The following EYA1 variants were observed in gnomAD, a reference collection of about 807,000 sequenced individuals.
EYA1 encodes the protein protein phosphatase EYA1.
EYA1 carries 16 observed loss-of-function variants against 82.0 expected under a neutral mutation model. The ratio of observed to expected loss-of-function variants is 0.20; its 90% CI spans 0.13 to 0.30. EYA1 has a LOEUF of 0.30. EYA1 is among the 10% of genes least tolerant of loss of function. EYA1 has a pLI of 1.00. For missense variants in EYA1, 633 were observed against 730.7 expected, an observed-to-expected ratio of 0.87 and a Z score of 1.54; for synonymous variants, 261 against 264.4, an observed-to-expected ratio of 0.99 and a Z score of 0.12.
intron 7 of EYA1, among the ~76,000 whole-genome samples, chr8:71,301,697 A>C (rs1029684130): frequency 1.3e-5 from 2 of 152,150 alleles, no homozygotes; most frequent in African/African-American, 4.8e-5. Flanking sequence ...CAGAACACCT[A>C]TCTCAGATAG....
At chr8:71,539,016 G>C (rs1183361008) in intron 1 of EYA1, among the ~76,000 whole-genome samples, 1 of 152,036 alleles carries the variant, frequency 6.6e-6, no homozygotes, top group East Asian at 1.9e-4. Flanking sequence ...CTCCAGAGGA[G>C]GGGTGCCCCT....
At chr8:71,301,162 T>C (rs1368975131) in intron 7 of EYA1, among the ~76,000 whole-genome samples, 1 of 152,198 alleles carries the variant, frequency 6.6e-6, no homozygotes, top group Admixed American at 6.5e-5. Context: ...AATGTGGTAA[T>C]ATATGCCAAT....
At position 71,523,173 on chromosome 8, in the gene EYA1, C is replaced by CTTTTTTTTTTTTTT. The variant is rs201950125; in HGVS notation, c.33+12570_33+12571insAAAAAAAAAAAAAA. Among the ~76,000 whole-genome samples the CTTTTTTTTTTTTTT allele has an allele frequency of 6.9e-4, 76 of 110,838 alleles. 6 individuals carry two copies. Among genetic ancestry groups the CTTTTTTTTTTTTTT allele is most frequent in the African/African-American group, 1.5e-3 (40 of 26,900 alleles). 72.7% of individuals were successfully genotyped at this position (110,838 alleles called of 152,430 possible). ...TTCAGCTCTTTTTCTTTTCTTTTTT[C>CTTTTTTTTTTTTTT]TTTTTCTTTTTTTTTTTTTTTTTGA... On this transcript the variant is annotated intron_variant, in intron 2 of 18. Transcript: ENST00000643681.
Position 71,396,776 on chromosome 8 carries a change from T to G in EYA1, c.34-40265A>C, listed in dbSNP as rs556820665. Among the ~76,000 whole-genome samples, 8 of 152,346 alleles carry G rather than the reference T, an allele frequency of 5.3e-5. No homozygotes were observed. The South Asian group carries it at 1.7e-3, about 32-fold the overall frequency. On this transcript the variant is annotated intron_variant, in intron 2 of 18. Transcript: ENST00000643681. ...GAATGTATATTCTGTTGACTTGGGG[T>G]GCAGAGTTCTGTAGATGTCTGCTAG... is the stretch of plus-strand genomic sequence containing the variant.
At chr8:71,344,380 A>T (rs1342276490) in intron 3 of EYA1, among the ~76,000 whole-genome samples, 1 of 152,200 alleles carries the variant, frequency 6.6e-6, no homozygotes, top group Non-Finnish European at 1.5e-5. Flanking sequence ...ATGGAAGAGT[A>T]ATAATTTTAA....
rs567560078 is a variant in EYA1 at position 71,398,963 on chromosome 8, G to A, written c.34-42452C>T. ...TCCACCCAGTTCGAGCTTCCTGGCC[G>A]CTTTGTTTACCTACTCAAGCCACAG... is the stretch of plus-strand genomic sequence containing the variant. On this transcript the variant is annotated intron_variant, in intron 2 of 18. Coordinates refer to the EYA1 transcript ENST00000643681. 4.4e-4 allele frequency among the ~76,000 whole-genome samples: 67 copies of A among 152,296 alleles called. 1 individual carries two copies. Among genetic ancestry groups the A allele is most frequent in the African/African-American group, 1.4e-3 (57 of 41,528 alleles).
At chr8:71,394,518 A>C (rs1420677583) in intron 2 of EYA1, among the ~76,000 whole-genome samples, 1 of 152,160 alleles carries the variant, frequency 6.6e-6, no homozygotes, top group Non-Finnish European at 1.5e-5. Flanking sequence ...AGGGCTAGCC[A>C]GTTTTCCCAG....
chr8:71,535,873 G>A, intron 1 of EYA1: 1 of 663,366 alleles, frequency 1.5e-6, no homozygotes, highest in Non-Finnish European at 2.3e-6. Flanking sequence ...GCATCACACA[G>A]CTGTATTAAT....
intron 3 of EYA1, among the ~76,000 whole-genome samples, chr8:71,340,134 G>A (rs147983679): frequency 1.4e-4 from 22 of 152,256 alleles, no homozygotes; most frequent in South Asian, 8.3e-4. Flanking sequence ...TTAGATGTGC[G>A]TGAGTCGCTC....
intron 2 of EYA1, among the ~76,000 whole-genome samples, chr8:71,439,637 C>T (rs930677555): frequency 1.1e-4 from 17 of 152,176 alleles, no homozygotes; most frequent in African/African-American, 4.8e-5. Context: ...CTGGTGTTAG[C>T]GGCATGGAAA....
At position 71,334,095 on chromosome 8, in the gene EYA1, A is replaced by ACCT; in HGVS notation, c.201_202+1dup. The ACCT allele has an allele frequency of 6.2e-7, 1 of 1,609,020 alleles. No individual in the cohort carries two copies. The highest frequency in any genetic ancestry group is 8.5e-7 in the Non-Finnish European group (1 of 1,175,542). ...TGTGAAAATCTAATATTTATTCCTT[A>ACCT]CCTGAACCTGAGAAATTGTTTAAAG... On this transcript the variant is annotated splice_donor_variant, in intron 4 of 17. Transcript: ENST00000340726. LOFTEE classifies it high-confidence loss of function.
chr8:71,254,847 C>T (rs867258087), intron 11 of EYA1, among the ~76,000 whole-genome samples: 424 of 151,224 alleles, frequency 2.8e-3, no homozygotes, highest in African/African-American at 9.7e-3. Context: ...CCACCCCGCC[C>T]CCCACCACAC....
chr8:71,356,622 G>A (rs1826909069), intron 1 of EYA1, 111 bp from the exon 2 acceptor site: 2 of 1,408,958 alleles, frequency 1.4e-6, no homozygotes, highest in Non-Finnish European at 9.3e-7. Context: ...TTAACCAAAA[G>A]AGAAAAAGGA....
chr8:71,270,495 T>C (rs1184513770), intron 10 of EYA1, among the ~76,000 whole-genome samples: 1 of 152,196 alleles, frequency 6.6e-6, no homozygotes, highest in African/African-American at 2.4e-5. Flanking sequence ...AAAAGGTCTT[T>C]GGGATACCAC....
At chr8:71,263,809 G>T (rs1421630711) in intron 11 of EYA1, among the ~76,000 whole-genome samples, 1 of 152,020 alleles carries the variant, frequency 6.6e-6, no homozygotes. Flanking sequence ...ATTCTTAAAG[G>T]CCTGACAGAA....
At chr8:71,490,502 T>C (rs1810912999) in intron 2 of EYA1, among the ~76,000 whole-genome samples, 2 of 152,282 alleles carry the variant, frequency 1.3e-5, no homozygotes, top group East Asian at 1.9e-4. Context: ...TTGTTGTTTA[T>C]AGACAGATAT....
At chr8:71,401,046 A>G (rs1023066461) in intron 2 of EYA1, among the ~76,000 whole-genome samples, 4 of 152,212 alleles carry the variant, frequency 2.6e-5, no homozygotes, top group African/African-American at 9.6e-5. Flanking sequence ...ACAGAAAACC[A>G]AACACTGCAT....
chr8:71,253,362 T>TA (rs1813983302), intron 11 of EYA1, among the ~76,000 whole-genome samples: 1 of 151,974 alleles, frequency 6.6e-6, no homozygotes. Flanking sequence ...GGGTATTATT[T>TA]AAAAAATAAA....
intron 2 of EYA1, among the ~76,000 whole-genome samples, chr8:71,413,923 C>A (rs1830729913): frequency 2.0e-5 from 3 of 152,198 alleles, no homozygotes. Flanking sequence ...ACAAGTGTCA[C>A]AAGCTGGGTT....
Sources: gnomAD v4.1 joint callset for allele counts (sites outside exome capture counted in the v4.1 genomes callset) on GRCh38, gnomAD v4.1.1 for gene constraint, MANE v1.5 for transcripts, NCBI Gene and HGNC (gene_info 2026-07-23, HGNC 2026-07-21) for gene names.